TRPM8: variants seen among roughly 807,000 people sequenced by gnomAD.
TRPM8 encodes the protein TRPM8 cationic channel.
TRPM8 carries 110 observed loss-of-function variants against 133.7 expected under a neutral mutation model. The observed-to-expected ratio is 0.82, with a 90% CI of 0.70 to 0.96. TRPM8 has a LOEUF of 0.96. Among genes scored for constraint, TRPM8 ranks in the 40% least tolerant of loss-of-function variants. TRPM8 has a pLI of 0.00. For synonymous variants in TRPM8, 535 were observed against 532.3 expected (o/e 1.01, Z -0.07); for missense variants, 1,291 against 1,379.5 (o/e 0.94, Z 1.02).
At chr2:233,956,697 C>G (rs1691302020) in intron 11 of TRPM8, among the ~76,000 whole-genome samples, 1 of 152,150 alleles carries the variant, frequency 6.6e-6, no homozygotes, top group African/African-American at 2.4e-5. Context: ...AACATGCGAT[C>G]AGTTTTAATG....
At chr2:233,919,726 A>G (rs1006615925) in intron 1 of TRPM8, among the ~76,000 whole-genome samples, 7 of 152,052 alleles carry the variant, frequency 4.6e-5, no homozygotes, top group Non-Finnish European at 8.8e-5. Flanking sequence ...GACATGACAC[A>G]ATACATAACA....
intron 3 of TRPM8, 106 bp downstream of exon 3, chr2:233,930,847 G>A (rs186523663): frequency 1.7e-4 from 123 of 710,598 alleles, no homozygotes; most frequent in Admixed American, 5.9e-4. Flanking sequence ...AGATGTCTTC[G>A]TCTTATAATT....
In TRPM8 at chr2:233,985,839, G is replaced by A. The variant is rs954516936; in HGVS notation, c.2913G>A (p.Leu971=). 1 of 1,613,992 alleles carries A rather than the reference G, an allele frequency of 6.2e-7. No homozygotes were observed. ...CIYMLSTNIL[L]VNLLVAMFGY... is the part of the protein sequence containing the mutation. ...ACATGTTATCCACCAACATCCTGCT[G>A]GTCAACCTGCTGGTCGCCATGTTTG... is the stretch of plus-strand genomic sequence containing the variant. Residue 971 remains leucine (L), a synonymous_variant, in exon 21 of 26, where the codon CTG becomes CTA. Transcript: ENST00000324695.
chr2:233,937,618 G>A (rs1690788588), intron 4 of TRPM8, 109 bp downstream of exon 4: 9 of 1,257,860 alleles, frequency 7.2e-6, no homozygotes, highest in East Asian at 2.4e-5. Flanking sequence ...GAGATGGGTA[G>A]TAAACACCAA....
chr2:233,921,981 A>G (rs921844809), intron 1 of TRPM8, among the ~76,000 whole-genome samples: 6 of 151,736 alleles, frequency 4.0e-5, no homozygotes, highest in Middle Eastern at 3.2e-3. Flanking sequence ...CCAGAAACAC[A>G]TTTTCTGTAT....
Position 233,981,979 on chromosome 2 carries a change from C to A in TRPM8, c.2589+64C>A. On this transcript the variant is annotated intron_variant, in intron 19 of 25. Transcript: ENST00000324695. ...CGGGGCCCAGAGTTCTTTTAATGGT[C>A]GATAGGAGGATTTTGTCCTTAGAAC... 4 of 1,488,078 alleles carry A rather than the reference C, an allele frequency of 2.7e-6. No individual in the cohort carries two copies. In the South Asian group the frequency reaches 4.2e-5, roughly 16 times the overall value. The allele number at this position is 1,488,078 out of a possible 1,614,324, so 92.2% of individuals were successfully genotyped here.
At chr2:233,975,823 A>C (rs1479971111) in intron 17 of TRPM8, among the ~76,000 whole-genome samples, 2 of 152,238 alleles carry the variant, frequency 1.3e-5, no homozygotes, top group African/African-American at 4.8e-5. Flanking sequence ...CAGAGGTTGC[A>C]GTGAGCTGAG....
rs1574714829 is a variant in TRPM8, at chr2:233,950,092, A to G, written c.1086A>G (p.Leu362=). ...TCAAGGAGAAGCTGGTGCGCTTTTT[A>G]CCCCGCACGGTGTCCCGGCTGCCTG... ...SAVKEKLVRF[L]PRTVSRLPEE... The change falls in exon 9 of 26, where the codon TTA becomes TTG. Residue 362 remains leucine, a synonymous_variant. Transcript: ENST00000324695. 3.7e-6 allele frequency: 6 copies of G among 1,613,676 alleles called. No homozygotes were observed. In the East Asian group the frequency reaches 1.3e-4, roughly 36 times the overall value.
At chr2:234,012,919 A>C (rs1355965182) in intron 24 of TRPM8, among the ~76,000 whole-genome samples, 1 of 152,102 alleles carries the variant, frequency 6.6e-6, no homozygotes, top group Non-Finnish European at 1.5e-5. Flanking sequence ...AGTGTATCAC[A>C]CTGATGAATC....
At position 233,981,756 on chromosome 2, in the gene TRPM8, T is replaced by C. The variant is rs1692014757; in HGVS notation, c.2448-18T>C. On this transcript the variant is annotated intron_variant, in intron 18 of 25. Transcript: ENST00000324695. ...TTTGTCAATATCTCATGAATTCTGTTCCTTCTTTTCCCCCTAGGCTCCACT... is the reference window on the plus strand; with the variant it reads ...TTTGTCAATATCTCATGAATTCTGTCCCTTCTTTTCCCCCTAGGCTCCACT... 1.3e-6 allele frequency: 2 copies of C among 1,586,822 alleles called. No individual in the cohort carries two copies. Among genetic ancestry groups the C allele is most frequent in the African/African-American group, 2.7e-5 (2 of 73,032 alleles).
intron 17 of TRPM8, among the ~76,000 whole-genome samples, chr2:233,973,026 C>T (rs984520076): frequency 4.6e-5 from 7 of 152,230 alleles, no homozygotes; most frequent in African/African-American, 1.4e-4. Context: ...CACGCTGTCA[C>T]CTCTCAGAAG....
At chr2:233,947,281 T>C in intron 8 of TRPM8, 126 bp downstream of exon 8, 2 of 1,552,434 alleles carry the variant, frequency 1.3e-6, no homozygotes, top group Non-Finnish European at 1.7e-6. Context: ...GGTAGTGTTT[T>C]CCCTCCACAT....
intron 2 of TRPM8, among the ~76,000 whole-genome samples, chr2:233,927,856 CTTTCTCTTTCTT>C (rs1422603474): frequency 1.1e-4 from 6 of 56,992 alleles, no homozygotes; most frequent in Admixed American, 8.1e-4. Flanking sequence ...TCCTTCCTTT[CTTTCTCTTTCTT>C]TCTTTCTTTC....
chr2:233,970,750 GTTC>G (rs1691693435), intron 17 of TRPM8, among the ~76,000 whole-genome samples: 1 of 152,170 alleles, frequency 6.6e-6, no homozygotes, highest in African/African-American at 2.4e-5. Flanking sequence ...AGTGGTTTGT[GTTC>G]CTGCCATTAC....
intron 18 of TRPM8, among the ~76,000 whole-genome samples, chr2:233,980,716 G>T (rs1691985247): frequency 6.6e-6 from 1 of 152,206 alleles, no homozygotes; most frequent in South Asian, 2.1e-4. Context: ...AATGCTGGCT[G>T]TGGAGTCTGC....
At chr2:233,973,375 G>A (rs946150457) in intron 17 of TRPM8, among the ~76,000 whole-genome samples, 1 of 152,198 alleles carries the variant, frequency 6.6e-6, no homozygotes, top group African/African-American at 2.4e-5. Context: ...CTCTGTCCTA[G>A]CCTCTCCTCT....
intron 1 of TRPM8, among the ~76,000 whole-genome samples, chr2:233,918,848 C>T (rs1691353285): frequency 6.6e-6 from 1 of 152,144 alleles, no homozygotes; most frequent in Admixed American, 6.5e-5. Context: ...GGAGATCTCT[C>T]TGGATGGTGT....
chr2:233,955,311 GTCTGATCCATT>G, intron 11 of TRPM8, 61 bp downstream of exon 11: 1 of 1,244,026 alleles, frequency 8.0e-7, no homozygotes, highest in Non-Finnish European at 1.2e-6. Flanking sequence ...TCTGGGCAAT[GTCTGATCCATT>G]TCCAACAAGG....
intron 22 of TRPM8, among the ~76,000 whole-genome samples, chr2:233,997,702 A>ACCACACACT (rs1300881620): frequency 1.3e-5 from 2 of 151,978 alleles, no homozygotes; most frequent in Admixed American, 1.3e-4. Context: ...CCAGGGGTCC[A>ACCACACACT]CCACACACTC....
Sources: gnomAD v4.1 joint callset for allele counts (sites outside exome capture counted in the v4.1 genomes callset) on GRCh38, gnomAD v4.1.1 for gene constraint, MANE v1.5 for transcripts, NCBI Gene and HGNC (gene_info 2026-07-23, HGNC 2026-07-21) for gene names.